The following AGBL4 variants were observed in gnomAD, a reference collection of about 807,000 sequenced individuals.
The protein encoded by AGBL4 is cytosolic carboxypeptidase 6.
In AGBL4, 58 loss-of-function variants were observed where a neutral mutation model predicts 66.4. That is an observed-to-expected ratio of 0.87 (90% CI 0.71 to 1.09). The LOEUF is 1.09. Ranked by LOEUF, AGBL4 falls within the 50% of genes least tolerant of loss-of-function variation. AGBL4 has a pLI of 0.00. For missense variants in AGBL4, 579 were observed against 631.0 expected (o/e 0.92, Z 0.88); for synonymous variants, 234 against 222.9 (o/e 1.05, Z -0.44).
intron 3 of AGBL4, among the ~76,000 whole-genome samples, chr1:49,424,740 A>T (rs2148647869): frequency 6.6e-6 from 1 of 152,292 alleles, no homozygotes; most frequent in East Asian, 1.9e-4. Context: ...TTATTTATAG[A>T]TACTCCAGGT....
intron 1 of AGBL4, among the ~76,000 whole-genome samples, chr1:49,998,718 C>G (rs973825956): frequency 1.3e-5 from 2 of 152,064 alleles, no homozygotes; most frequent in Admixed American, 1.3e-4. Context: ...AACAACATAT[C>G]AAAAAGATAA....
chr1:49,686,256 G>A (rs1470383859), intron 3 of AGBL4, among the ~76,000 whole-genome samples: 1 of 152,040 alleles, frequency 6.6e-6, no homozygotes, highest in Admixed American at 6.6e-5. Flanking sequence ...CCCCGCCACG[G>A]CCCCACTGAA....
At chr1:49,323,315 C>T (rs867342354) in intron 3 of AGBL4, among the ~76,000 whole-genome samples, 17 of 152,078 alleles carry the variant, frequency 1.1e-4, no homozygotes, top group African/African-American at 7.2e-5. Context: ...GAGTCTCTTG[C>T]TCTGCCGCCA....
chr1:49,749,743 G>A (rs1359578511), intron 2 of AGBL4, among the ~76,000 whole-genome samples: 1 of 152,146 alleles, frequency 6.6e-6, no homozygotes, highest in Admixed American at 6.6e-5. Flanking sequence ...AAAATGTTGA[G>A]AGAATTTGAA....
intron 6 of AGBL4, among the ~76,000 whole-genome samples, chr1:48,691,941 G>A (rs756329129): frequency 1.3e-5 from 2 of 152,098 alleles, no homozygotes; most frequent in Non-Finnish European, 2.9e-5. Flanking sequence ...CACCCTCCTT[G>A]TGGCCTGATC....
chr1:49,528,627 A>G (rs1650855052), intron 3 of AGBL4, among the ~76,000 whole-genome samples: 1 of 152,170 alleles, frequency 6.6e-6, no homozygotes, highest in South Asian at 2.1e-4. Context: ...ATAGTCAAAC[A>G]TGAAGCTCTG....
At chr1:49,783,162 T>C (rs1453290419) in intron 2 of AGBL4, among the ~76,000 whole-genome samples, 1 of 152,184 alleles carries the variant, frequency 6.6e-6, no homozygotes, top group Non-Finnish European at 1.5e-5. Context: ...CAGTCTATGG[T>C]ATTTTATTAT....
intron 3 of AGBL4, among the ~76,000 whole-genome samples, chr1:49,529,355 A>T (rs764430338): frequency 6.6e-6 from 1 of 152,154 alleles, no homozygotes; most frequent in African/African-American, 2.4e-5. Flanking sequence ...CCTGAATGAA[A>T]TGTAGAACAA....
intron 5 of AGBL4, among the ~76,000 whole-genome samples, chr1:48,972,760 A>AT (rs1321610993): frequency 6.6e-6 from 1 of 152,146 alleles, no homozygotes. Flanking sequence ...AGAATTGTTC[A>AT]TTTTTTGGCA....
At chr1:49,843,475 GCACCCA>G (rs1276158028) in intron 2 of AGBL4, among the ~76,000 whole-genome samples, 1 of 152,160 alleles carries the variant, frequency 6.6e-6, no homozygotes, top group Non-Finnish European at 1.5e-5. Flanking sequence ...GCTTCTAGAG[GCACCCA>G]CATTCCTTGG....
chr1:49,626,562 C>T (rs921496894), intron 3 of AGBL4, among the ~76,000 whole-genome samples: 1 of 152,086 alleles, frequency 6.6e-6, no homozygotes, highest in Non-Finnish European at 1.5e-5. Flanking sequence ...ATATTCAGTG[C>T]CTTGTGCCTA....
chr1:49,220,207 T>C (rs1649393671), intron 4 of AGBL4, among the ~76,000 whole-genome samples: 1 of 152,182 alleles, frequency 6.6e-6, no homozygotes, highest in Admixed American at 6.6e-5. Context: ...ATGAATCTCT[T>C]AATAATTGAA....
At chr1:49,068,279 G>A (rs960642162) in intron 4 of AGBL4, among the ~76,000 whole-genome samples, 19 of 150,818 alleles carry the variant, frequency 1.3e-4, no homozygotes, top group South Asian at 2.1e-4. Flanking sequence ...TGTGCACAAC[G>A]TGCAGGTTTG....
chr1:49,309,414 A>G (rs1243644809), intron 3 of AGBL4, among the ~76,000 whole-genome samples: 1 of 152,098 alleles, frequency 6.6e-6, no homozygotes. Context: ...TAGAATCTGA[A>G]TTAAATAAGT....
chr1:48,959,878 C>G (rs1046201106), intron 5 of AGBL4, among the ~76,000 whole-genome samples: 2 of 152,132 alleles, frequency 1.3e-5, no homozygotes, highest in African/African-American at 4.8e-5. Flanking sequence ...TCATGTAGGG[C>G]CTTGTAGGCC....
intron 6 of AGBL4, among the ~76,000 whole-genome samples, chr1:48,752,417 C>T (rs918749676): frequency 2.6e-5 from 4 of 152,058 alleles, no homozygotes; most frequent in Non-Finnish European, 4.4e-5. Flanking sequence ...AAAAGTTGGG[C>T]GTGGTAATGG....
intron 5 of AGBL4, among the ~76,000 whole-genome samples, chr1:49,039,999 T>A (rs1262273699): frequency 2.6e-5 from 4 of 152,000 alleles, no homozygotes; most frequent in African/African-American, 9.7e-5. Context: ...GACTTCAAAT[T>A]TAAAGTTTTT....
chr1:49,727,355 A>G (rs1382407787), intron 2 of AGBL4, among the ~76,000 whole-genome samples: 1 of 152,130 alleles, frequency 6.6e-6, no homozygotes, highest in Non-Finnish European at 1.5e-5. Context: ...TATAGAGAGA[A>G]AAAGTGCATA....
At chr1:49,289,625 TA>T (rs761243024) in intron 3 of AGBL4, among the ~76,000 whole-genome samples, 12 of 152,154 alleles carry the variant, frequency 7.9e-5, no homozygotes, top group Non-Finnish European at 1.3e-4. Context: ...ACATATTCAC[TA>T]AAATACTTAT....
Sources: gnomAD v4.1 joint callset for allele counts (sites outside exome capture counted in the v4.1 genomes callset) on GRCh38, gnomAD v4.1.1 for gene constraint, MANE v1.5 for transcripts, NCBI Gene and HGNC (gene_info 2026-07-23, HGNC 2026-07-21) for gene names.